The following CTNND2 variants were observed in gnomAD, a reference collection of about 807,000 sequenced individuals.
The protein encoded by CTNND2 is catenin delta-2.
Under a neutral mutation model 144.4 loss-of-function variants are expected in CTNND2, and 22 were observed. The observed-to-expected ratio is 0.15, with a 90% CI of 0.11 to 0.22. CTNND2 has a LOEUF of 0.22. Among genes scored for constraint, CTNND2 ranks in the 10% least tolerant of loss-of-function variants. The probability of loss-of-function intolerance (pLI) is 1.00; values close to 1 mark genes in which losing one functional copy is unlikely to be tolerated. For synonymous variants in CTNND2, 751 were observed against 695.6 expected (o/e 1.08, Z -1.25); for missense variants, 1,353 against 1,618.8 (o/e 0.84, Z 2.82).
intron 12 of CTNND2, among the ~76,000 whole-genome samples, chr5:11,128,731 A>ATATATATT (rs1754943491): frequency 3.6e-5 from 2 of 55,222 alleles, no homozygotes; most frequent in Non-Finnish European, 2.9e-5. Flanking sequence ...CATATATATA[A>ATATATATT]TATATATATT....
intron 2 of CTNND2, among the ~76,000 whole-genome samples, chr5:11,617,082 T>C (rs1028662519): frequency 6.6e-6 from 1 of 152,242 alleles, no homozygotes; most frequent in African/African-American, 2.4e-5. Context: ...CCTGTGGCTA[T>C]GCATGTGCCA....
chr5:11,623,688 T>G (rs1264562862), intron 2 of CTNND2, among the ~76,000 whole-genome samples: 1 of 150,770 alleles, frequency 6.6e-6, no homozygotes, highest in African/African-American at 2.4e-5. Context: ...ATATTTTAAT[T>G]TCAGACAAAA....
At chr5:11,611,722 G>A (rs1780335564) in intron 2 of CTNND2, among the ~76,000 whole-genome samples, 1 of 152,194 alleles carries the variant, frequency 6.6e-6, no homozygotes, top group South Asian at 2.1e-4. Flanking sequence ...AGGCTGCAGT[G>A]AGCCGAGATC....
intron 9 of CTNND2, among the ~76,000 whole-genome samples, chr5:11,240,992 C>T (rs574658258): frequency 6.8e-6 from 1 of 146,994 alleles, no homozygotes; most frequent in East Asian, 2.1e-4. Flanking sequence ...CACACACACC[C>T]AACACACACA....
At chr5:11,461,294 G>A (rs1316638479) in intron 3 of CTNND2, among the ~76,000 whole-genome samples, 1 of 152,072 alleles carries the variant, frequency 6.6e-6, no homozygotes, top group African/African-American at 2.4e-5. Flanking sequence ...ATGTGGAACT[G>A]GAAATGCATG....
At chr5:11,590,945 T>C (rs909977594) in intron 2 of CTNND2, among the ~76,000 whole-genome samples, 1 of 152,360 alleles carries the variant, frequency 6.6e-6, no homozygotes, top group Middle Eastern at 3.4e-3. Context: ...TTTAACACTT[T>C]TTATACAATT....
At chr5:11,302,272 C>T (rs1749691722) in intron 9 of CTNND2, among the ~76,000 whole-genome samples, 1 of 152,088 alleles carries the variant, frequency 6.6e-6, no homozygotes, top group Non-Finnish European at 1.5e-5. Flanking sequence ...CTGAGAATGA[C>T]AGCCACTCCC....
At chr5:11,834,706 A>G (rs1188741884) in intron 1 of CTNND2, among the ~76,000 whole-genome samples, 5 of 152,222 alleles carry the variant, frequency 3.3e-5, no homozygotes, top group African/African-American at 9.7e-5. Flanking sequence ...TAGAATAATA[A>G]ATTCTGACTC....
At chr5:11,761,775 A>C (rs4605781) in intron 1 of CTNND2, among the ~76,000 whole-genome samples, 130,055 of 152,134 alleles carry the variant, frequency 0.85, 58,089 homozygotes, top group Non-Finnish European at 0.98. Context: ...TCTAACACTA[A>C]TTATTTCTGG....
intron 10 of CTNND2, among the ~76,000 whole-genome samples, chr5:11,212,060 TA>T (rs1738692951): frequency 6.6e-6 from 1 of 152,220 alleles, no homozygotes; most frequent in Non-Finnish European, 1.5e-5. Context: ...GTTATGCACA[TA>T]TTTTTTTTTC....
intron 18 of CTNND2, among the ~76,000 whole-genome samples, chr5:10,999,934 C>G (rs72729239): frequency 6.6e-6 from 1 of 152,200 alleles, no homozygotes; most frequent in African/African-American, 2.4e-5. Context: ...CCAATGTGCA[C>G]GACAATCGGG....
chr5:11,743,234 C>G (rs1788117293), intron 1 of CTNND2, among the ~76,000 whole-genome samples: 1 of 152,032 alleles, frequency 6.6e-6, no homozygotes, highest in Non-Finnish European at 1.5e-5. Flanking sequence ...AGAGTAAAAT[C>G]AATAATAATT....
At chr5:11,482,153 C>T (rs1231462306) in intron 3 of CTNND2, among the ~76,000 whole-genome samples, 1 of 152,122 alleles carries the variant, frequency 6.6e-6, no homozygotes, top group East Asian at 1.9e-4. Flanking sequence ...GCACTGACCT[C>T]AATACCGCAG....
chr5:11,288,267 T>A (rs761231347), intron 9 of CTNND2, among the ~76,000 whole-genome samples: 1 of 152,216 alleles, frequency 6.6e-6, no homozygotes, highest in Non-Finnish European at 1.5e-5. Context: ...GACAATCATC[T>A]ACATTCATGT....
chr5:11,456,690 A>G (rs1176872056), intron 3 of CTNND2, among the ~76,000 whole-genome samples: 1 of 152,226 alleles, frequency 6.6e-6, no homozygotes. Context: ...GCTTTAAAAA[A>G]GGGAAAAATT....
intron 1 of CTNND2, among the ~76,000 whole-genome samples, chr5:11,803,215 G>T (rs1386782386): frequency 6.6e-6 from 1 of 152,106 alleles, no homozygotes; most frequent in Non-Finnish European, 1.5e-5. Flanking sequence ...AGCTACTCAG[G>T]AGGCTGAGGC....
chr5:11,327,939 T>C (rs1219857377), intron 9 of CTNND2, among the ~76,000 whole-genome samples: 2 of 152,240 alleles, frequency 1.3e-5, no homozygotes, highest in African/African-American at 4.8e-5. Flanking sequence ...CTAGTGTTTG[T>C]AATTTTTTAA....
intron 13 of CTNND2, among the ~76,000 whole-genome samples, chr5:11,114,991 T>A (rs577450610): frequency 6.6e-6 from 1 of 152,298 alleles, no homozygotes; most frequent in South Asian, 2.1e-4. Context: ...CAGCTATGAT[T>A]ATGCTCCTTG....
intron 1 of CTNND2, among the ~76,000 whole-genome samples, chr5:11,880,501 G>GTGC (rs1735957840): frequency 7.9e-6 from 1 of 126,032 alleles, no homozygotes; most frequent in Admixed American, 7.8e-5. Context: ...ACTGCTACTA[G>GTGC]TACTACTACT....
Sources: gnomAD v4.1 joint callset for allele counts (sites outside exome capture counted in the v4.1 genomes callset) on GRCh38, gnomAD v4.1.1 for gene constraint, MANE v1.5 for transcripts, NCBI Gene and HGNC (gene_info 2026-07-23, HGNC 2026-07-21) for gene names.